AOPEP: variants seen among roughly 807,000 people sequenced by gnomAD.
AOPEP encodes the protein aminopeptidase O.
In AOPEP, 77 loss-of-function variants were observed where a neutral mutation model predicts 98.1. That is an observed-to-expected ratio of 0.78 (90% confidence interval 0.65 to 0.95). The LOEUF is 0.95. Among genes scored for constraint, AOPEP ranks in the 40% least tolerant of loss-of-function variants. The pLI, the probability that AOPEP is intolerant of heterozygous loss-of-function variation, is 0.00. For missense variants in AOPEP, 1,024 were observed against 1,024.7 expected, an observed-to-expected ratio of 1.00 and a Z score of 0.01; for synonymous variants, 346 against 365.3, an observed-to-expected ratio of 0.95 and a Z score of 0.60.
chr9:94,989,270 TA>T lies in AOPEP; in HGVS notation c.1977+9844del, dbSNP rs541989381. On this transcript the variant is annotated intron_variant, in intron 11 of 16. Coordinates refer to ENST00000375315, the MANE Select transcript of AOPEP (RefSeq NM_001193329.3). The stretch of plus-strand genomic sequence containing the variant: ...GTGCCCGCCACCTCATCTGGCTAAT[TA>T]TTTTGTATTTTTAGTAGAGACGGGG... 3.7e-3 allele frequency among the ~76,000 whole-genome samples: 564 copies of T among 152,006 alleles called. 4 individuals are homozygous for T. The highest frequency in any genetic ancestry group is 0.013 in the African/African-American group (546 of 41,442).
intron 3 of AOPEP, among the ~76,000 whole-genome samples, chr9:94,788,093 T>C (rs1026118562): frequency 6.6e-6 from 1 of 152,096 alleles, no homozygotes; most frequent in African/African-American, 2.4e-5. Context: ...ATTTTTGACA[T>C]AGGGTCTTCC....
intron 1 of AOPEP, among the ~76,000 whole-genome samples, chr9:94,740,327 G>C (rs1832780545): frequency 6.6e-6 from 1 of 152,178 alleles, no homozygotes; most frequent in Non-Finnish European, 1.5e-5. Flanking sequence ...GTTGTGGACT[G>C]TGGATTGGTT....
At chr9:94,841,676 AATT>A (rs1418986490) in intron 5 of AOPEP, among the ~76,000 whole-genome samples, 1 of 152,104 alleles carries the variant, frequency 6.6e-6, no homozygotes, top group Admixed American at 6.5e-5. Context: ...TTGTGATTTA[AATT>A]ATTTTCTTTT....
At chr9:95,108,302 TCA>T in the AOPEP span, among the ~76,000 whole-genome samples, 1 of 152,224 alleles carries the variant, frequency 6.6e-6, no homozygotes. Context: ...AGGGCAGGCC[TCA>T]CTCTCCCCAC....
At chr9:95,111,234 G>T in the AOPEP span, 2 of 1,537,412 alleles carry the variant, frequency 1.3e-6, no homozygotes, top group African/African-American at 2.7e-5. Flanking sequence ...CGTTTTGCAG[G>T]AGAATGGGCT....
chr9:94,766,271 G>T (rs915420339), intron 2 of AOPEP, among the ~76,000 whole-genome samples: 5 of 152,196 alleles, frequency 3.3e-5, no homozygotes, highest in African/African-American at 4.8e-5. Flanking sequence ...CGGTGCAGCG[G>T]CTCACGCGTG....
rs537635276 is a variant in AOPEP at position 94,801,652 on chromosome 9, T to TA, written c.1364+654dup. Among the ~76,000 whole-genome samples the TA allele has an allele frequency of 9.8e-5, 15 of 152,376 alleles. No homozygotes were observed. The East Asian group carries it at 2.7e-3, about 27-fold the overall frequency. ...TTTGGTTCCCTGTATTTATTTAAGC[T>TA]AAAATCTATTAATTAATGCCATTGT... On this transcript the variant is annotated intron_variant, in intron 5 of 16. Transcript: ENST00000375315.
intron 7 of AOPEP, among the ~76,000 whole-genome samples, chr9:94,936,315 GT>G (rs1380335140): frequency 2.0e-5 from 3 of 151,974 alleles, no homozygotes; most frequent in Non-Finnish European, 4.4e-5. Context: ...ATCTCTTGTC[GT>G]TCTTTGCTTT....
chr9:94,887,801 GC>G, intron 5 of AOPEP, among the ~76,000 whole-genome samples: 1 of 151,792 alleles, frequency 6.6e-6, no homozygotes, highest in East Asian at 1.9e-4. Context: ...AGTAATGAAA[GC>G]AAATTAGGCT....
the AOPEP span, among the ~76,000 whole-genome samples, chr9:95,139,077 T>TA: frequency 6.6e-6 from 1 of 152,212 alleles, no homozygotes; most frequent in East Asian, 1.9e-4. Context: ...TATGCTTGCT[T>TA]AACAGAATTT....
intron 1 of AOPEP, among the ~76,000 whole-genome samples, chr9:94,749,322 T>G (rs187445310): frequency 2.0e-5 from 3 of 152,288 alleles, no homozygotes; most frequent in East Asian, 3.9e-4. Context: ...CTTCTTTACT[T>G]TAGAGGTCCA....
chr9:94,790,418 C>G (rs926894027), intron 3 of AOPEP, among the ~76,000 whole-genome samples: 2 of 152,166 alleles, frequency 1.3e-5, no homozygotes, highest in African/African-American at 4.8e-5. Context: ...CCGCCTGCCT[C>G]TGCCTCCCAA....
chr9:94,987,692 T>C (rs2060610124), intron 11 of AOPEP, among the ~76,000 whole-genome samples: 1 of 152,248 alleles, frequency 6.6e-6, no homozygotes, highest in African/African-American at 2.4e-5. Context: ...TGATAAAATA[T>C]ACTGGGTGAA....
At chr9:94,795,598 A>G (rs935762554) in intron 4 of AOPEP, among the ~76,000 whole-genome samples, 14 of 152,174 alleles carry the variant, frequency 9.2e-5, no homozygotes, top group African/African-American at 1.2e-4. Context: ...GAAGGCAAAG[A>G]CAGACATTTG....
chr9:94,797,355 A>G lies in AOPEP; in HGVS notation c.1119-3402A>G, dbSNP rs560780063. Among the ~76,000 whole-genome samples, 641 of 151,378 alleles carry G rather than the reference A, an allele frequency of 4.2e-3. 6 individuals carry two copies. The highest frequency in any genetic ancestry group is 7.0e-3 in the Non-Finnish European group (477 of 67,852). ...CTGGGGCAGGAGAATTGCTTGAACC[A>G]GGGAGTCGGAGGTTGCAGTGAGCCG... is the stretch of plus-strand genomic sequence containing the variant. On this transcript the variant is annotated intron_variant, in intron 4 of 16. Transcript: ENST00000375315.
At chr9:94,936,058 C>A (rs2056226398) in intron 7 of AOPEP, among the ~76,000 whole-genome samples, 1 of 152,178 alleles carries the variant, frequency 6.6e-6, no homozygotes, top group African/African-American at 2.4e-5. Flanking sequence ...TCTTCTCCAC[C>A]CCTAATACCA....
At chr9:95,072,480 A>T (rs2068610110) in intron 14 of AOPEP, among the ~76,000 whole-genome samples, 3 of 151,842 alleles carry the variant, frequency 2.0e-5, no homozygotes, top group African/African-American at 7.3e-5. Flanking sequence ...ACAGGGTCCC[A>T]CTCTTATCCA....
intron 1 of AOPEP, among the ~76,000 whole-genome samples, chr9:94,746,380 A>T (rs779494248): frequency 1.3e-5 from 2 of 150,348 alleles, no homozygotes; most frequent in Non-Finnish European, 2.9e-5. Flanking sequence ...GCATCATTTC[A>T]TTATCTGTAA....
At chr9:94,973,356 G>T (rs2059643859) in intron 10 of AOPEP, among the ~76,000 whole-genome samples, 1 of 152,214 alleles carries the variant, frequency 6.6e-6, no homozygotes, top group African/African-American at 2.4e-5. Context: ...AATCAACTGA[G>T]CGAGCAAATA....
Sources: gnomAD v4.1 joint callset for allele counts (sites outside exome capture counted in the v4.1 genomes callset) on GRCh38, gnomAD v4.1.1 for gene constraint, MANE v1.5 for transcripts, NCBI Gene and HGNC (gene_info 2026-07-23, HGNC 2026-07-21) for gene names.